The following BCAR3 variants were observed in gnomAD, a reference collection of about 807,000 sequenced individuals.
BCAR3 encodes the protein BCAR3 adaptor protein, NSP family member.
A neutral mutation model predicts 80.1 loss-of-function variants in BCAR3; 37 were observed. The ratio of observed to expected loss-of-function variants is 0.46; its 90% CI spans 0.36 to 0.61. The LOEUF (loss-of-function observed/expected upper bound fraction) is 0.61, where lower values mean the gene tolerates loss of function less well. BCAR3 is among the 20% of genes least tolerant of loss of function. The probability of loss-of-function intolerance (pLI) is 0.00; values close to 1 mark genes in which losing one functional copy is unlikely to be tolerated. For missense variants in BCAR3, 978 were observed against 1,068.2 expected, an observed-to-expected ratio of 0.92 and a Z score of 1.18; for synonymous variants, 389 against 418.9, an observed-to-expected ratio of 0.93 and a Z score of 0.87.
chr1:93,599,920 T>A (rs57466479), intron 3 of BCAR3, among the ~76,000 whole-genome samples: 6,491 of 152,266 alleles, frequency 0.043, 215 homozygotes, highest in East Asian at 0.13. Flanking sequence ...TAGATTACTG[T>A]TCTTTTCTCC....
At chr1:93,732,096 G>C (rs1414067459) in intron 2 of BCAR3, among the ~76,000 whole-genome samples, 1 of 152,236 alleles carries the variant, frequency 6.6e-6, no homozygotes, top group Non-Finnish European at 1.5e-5. Context: ...GAAAAAGAGA[G>C]AGAATTGGCA....
At chr1:93,683,294 G>C (rs547039561), upstream of BCAR3, among the ~76,000 whole-genome samples, 1 of 152,266 alleles carries the variant, frequency 6.6e-6, no homozygotes, top group South Asian at 2.1e-4. Flanking sequence ...ATTTCAATGT[G>C]ATCTAACTTC....
chr1:93,776,918 C>T (rs998683534), intron 2 of BCAR3, among the ~76,000 whole-genome samples: 14 of 152,046 alleles, frequency 9.2e-5, no homozygotes, highest in African/African-American at 3.4e-4. Flanking sequence ...TGCCTGTGAT[C>T]GTGACCTCAT....
chr1:93,747,573 T>C (rs1338752335), intron 2 of BCAR3, among the ~76,000 whole-genome samples: 4 of 151,768 alleles, frequency 2.6e-5, no homozygotes, highest in East Asian at 1.9e-4. Context: ...TATGTTAGTT[T>C]AGGGTCTCAT....
At chr1:93,807,352 T>C (rs1203577073) in intron 2 of BCAR3, among the ~76,000 whole-genome samples, 1 of 152,174 alleles carries the variant, frequency 6.6e-6, no homozygotes, top group East Asian at 1.9e-4. Flanking sequence ...ATGAGAATGA[T>C]TACCCAATAA....
intron 2 of BCAR3, among the ~76,000 whole-genome samples, chr1:93,831,936 A>G (rs12143127): frequency 0.13 from 19,773 of 152,156 alleles, 1,974 homozygotes; most frequent in African/African-American, 0.27. Flanking sequence ...ATAAGTTAGC[A>G]TTGAGGCTCT....
rs550661852 is a variant in BCAR3, at chr1:93,636,848, G to A, written c.357+5456C>T. Among the ~76,000 whole-genome samples, 16 of 152,290 alleles carry A rather than the reference G, an allele frequency of 1.1e-4. No homozygotes were observed. In the South Asian group the frequency reaches 2.9e-3, roughly 28 times the overall value. On this transcript the variant is annotated intron_variant, in intron 3 of 11. Coordinates refer to ENST00000260502, the MANE Select transcript of BCAR3 (RefSeq NM_003567.4). ...ATGGTGGCTCATATCTGTGATCCCA[G>A]CACTTCGGGAGGCTGAGGCAGGAGT...
chr1:93,641,330 G>A (rs187812199), intron 3 of BCAR3, among the ~76,000 whole-genome samples: 3 of 152,314 alleles, frequency 2.0e-5, no homozygotes, highest in Admixed American at 2.0e-4. Context: ...AAAGCGACAT[G>A]CCTACATACT....
rs1313600900 is a variant in BCAR3, at chr1:93,674,760, A to T, written c.171T>A (p.Gly57=). 1 of 1,612,734 alleles carries T rather than the reference A, an allele frequency of 6.2e-7. No homozygotes were observed. Among genetic ancestry groups the T allele is most frequent in the East Asian group, 2.2e-5 (1 of 44,820 alleles). The change falls in exon 2 of 12, where the codon GGT becomes GGA. Residue 57 remains glycine (G), a synonymous_variant. Transcript: ENST00000260502. ...IHGTLPRKKK[G]PPPIRSCDDF... Reference sequence around the variant, plus strand: ...CATCACAGGACCTTATGGGAGGAGGACCTTTTTTCTTCCGTGGAAGGGTGC... The same window carrying T: ...CATCACAGGACCTTATGGGAGGAGGTCCTTTTTTCTTCCGTGGAAGGGTGC...
intron 2 of BCAR3, among the ~76,000 whole-genome samples, chr1:93,651,748 G>A (rs1414934845): frequency 6.6e-6 from 1 of 152,126 alleles, no homozygotes; most frequent in Non-Finnish European, 1.5e-5. Context: ...AAGGCACAGA[G>A]AAGTTGCCAG....
chr1:93,642,849 T>A (rs767090568), intron 2 of BCAR3, among the ~76,000 whole-genome samples: 1 of 152,216 alleles, frequency 6.6e-6, no homozygotes, highest in South Asian at 2.1e-4. Context: ...CGGAGCCTTC[T>A]CTTCTCATCG....
At chr1:93,708,857 G>A (rs2101978228) in intron 2 of BCAR3, among the ~76,000 whole-genome samples, 1 of 152,354 alleles carries the variant, frequency 6.6e-6, no homozygotes, top group African/African-American at 2.4e-5. Flanking sequence ...GACACAGGCA[G>A]GAGGAGGTTG....
In BCAR3 at chr1:93,745,849, G is replaced by C. The variant is rs141803900; in HGVS notation, c.-62-39707C>G. 5.0e-3 allele frequency among the ~76,000 whole-genome samples: 754 copies of C among 152,158 alleles called. 5 individuals carry two copies. The highest frequency in any genetic ancestry group is 0.016 in the African/African-American group (651 of 41,500). On this transcript the variant is annotated intron_variant, in intron 2 of 13. Coordinates refer to the BCAR3 transcript ENST00000370244. ...GAGACCAGGAGTTCAACACCAGCCT[G>C]GTCAACATAGTAAGACCCCATCTCT...
At chr1:93,569,500 CT>C (rs1673118101) in intron 9 of BCAR3, among the ~76,000 whole-genome samples, 1 of 152,254 alleles carries the variant, frequency 6.6e-6, no homozygotes, top group Admixed American at 6.5e-5. Flanking sequence ...CATTGCCTTT[CT>C]GAAAGAAGCC....
At chr1:93,641,832 A>C (rs1675985937) in intron 3 of BCAR3, among the ~76,000 whole-genome samples, 1 of 152,148 alleles carries the variant, frequency 6.6e-6, no homozygotes, top group South Asian at 2.1e-4. Flanking sequence ...AAATCCAAAA[A>C]ACTCTGAACA....
intron 2 of BCAR3, among the ~76,000 whole-genome samples, chr1:93,736,355 T>C (rs1347021804): frequency 6.6e-6 from 1 of 152,190 alleles, no homozygotes; most frequent in Non-Finnish European, 1.5e-5. Context: ...ACCCAGCTAA[T>C]TTTTTGTATT....
chr1:93,563,536 TAGGAA>T (rs985657342), intron 11 of BCAR3, among the ~76,000 whole-genome samples: 18 of 152,214 alleles, frequency 1.2e-4, no homozygotes, highest in African/African-American at 3.9e-4. Flanking sequence ...TTCATTTCTC[TAGGAA>T]AGGAATTATT....
intron 3 of BCAR3, among the ~76,000 whole-genome samples, chr1:93,630,615 C>CAAAGCCAGACCTTGTTTCAA (rs1675589522): frequency 6.6e-6 from 1 of 152,088 alleles, no homozygotes; most frequent in African/African-American, 2.4e-5. Flanking sequence ...GCCTGGGTGA[C>CAAAGCCAGACCTTGTTTCAA]AAAGCCAGAC....
chr1:93,650,339 T>C (rs560927014), intron 2 of BCAR3, among the ~76,000 whole-genome samples: 125 of 152,252 alleles, frequency 8.2e-4, no homozygotes, highest in African/African-American at 2.9e-3. Context: ...GAGCCGAAAT[T>C]ATGCCATTGC....
Sources: gnomAD v4.1 joint callset for allele counts (sites outside exome capture counted in the v4.1 genomes callset) on GRCh38, gnomAD v4.1.1 for gene constraint, MANE v1.5 for transcripts, NCBI Gene and HGNC (gene_info 2026-07-23, HGNC 2026-07-21) for gene names.